Variants in PBLD observed in about 807,000 individuals in gnomAD.
PBLD encodes phenazine biosynthesis like protein domain containing.
A neutral mutation model predicts 31.3 loss-of-function variants in PBLD; 26 were observed. That is an observed-to-expected ratio of 0.83 (90% CI 0.61 to 1.15). The LOEUF is 1.15. Among genes scored for constraint, PBLD ranks in the 50% most tolerant of loss-of-function variants. PBLD has a pLI of 0.00. For synonymous variants in PBLD, 114 were observed against 129.0 expected, an observed-to-expected ratio of 0.88 and a Z score of 0.79; for missense variants, 307 against 351.7, an observed-to-expected ratio of 0.87 and a Z score of 1.02.
chr10:68,331,046 G>C (rs1211061726), intron 1 of PBLD: 1 of 152,100 alleles, frequency 6.6e-6, no homozygotes, highest in Non-Finnish European at 1.5e-5. Flanking sequence ...GCTAATCTTT[G>C]TATTTTTTGT....
At chr10:68,319,797 A>C (rs2044805761) in intron 1 of PBLD, among the ~76,000 whole-genome samples, 1 of 151,068 alleles carries the variant, frequency 6.6e-6, no homozygotes, top group Non-Finnish European at 1.5e-5. Flanking sequence ...TTTAATTTTT[A>C]TTTTTTATTT....
intron 1 of PBLD, among the ~76,000 whole-genome samples, chr10:68,317,680 C>CATG (rs1365905542): frequency 6.6e-6 from 1 of 151,954 alleles, no homozygotes; most frequent in Non-Finnish European, 1.5e-5. Flanking sequence ...TGCCTGTAAT[C>CATG]CCAGCTACTC....
rs564774050 is a variant in PBLD, at chr10:68,296,945, A to G, written c.125T>C (p.Met42Thr). 1.2e-6 allele frequency: 2 copies of G among 1,614,014 alleles called. No homozygotes were observed. The highest frequency in any genetic ancestry group is 2.2e-5 in the East Asian group (1 of 44,872). Residue 42 changes from methionine (M) to threonine (T), a missense_variant, in exon 3 of 10, where the codon ATG becomes ACG. Met to Thr is a moderately conservative substitution (Grantham distance 81). Coordinates refer to ENST00000358769, the MANE Select transcript of PBLD (RefSeq NM_022129.4). ...GATAAAAGCAGTTTCAGAGAGGTTC[A>G]TCTCCCTTGCAATTTTCTGATGCAT... Reference protein sequence around the residue: ...EDMHQKIAREMNLSETAFIRK... With the variant: ...EDMHQKIARETNLSETAFIRK...
rs566544926 is a variant in PBLD at position 68,310,615 on chromosome 10, C to T, written c.-59-3712G>A. 1.8e-4 allele frequency among the ~76,000 whole-genome samples: 27 copies of T among 149,426 alleles called. 1 individual carries two copies. Among genetic ancestry groups the T allele is most frequent in the Non-Finnish European group, 4.0e-4 (27 of 67,674 alleles). ...CCCCAACCACTCCCCTCCCCAGCCA[C>T]CCCCACCTCTGACAACCACCATTCT... is the stretch of plus-strand genomic sequence containing the variant. On this transcript the variant is annotated intron_variant, in intron 1 of 9. Coordinates refer to ENST00000358769, the MANE Select transcript of PBLD (RefSeq NM_022129.4).
intron 4 of PBLD, among the ~76,000 whole-genome samples, chr10:68,295,398 T>G (rs1427130049): frequency 1.3e-5 from 2 of 149,912 alleles, no homozygotes; most frequent in Non-Finnish European, 3.0e-5. Flanking sequence ...GAGGTTGAAG[T>G]GGGAGGATGG....
At chr10:68,300,054 C>G (rs2044485188) in intron 2 of PBLD, among the ~76,000 whole-genome samples, 1 of 151,964 alleles carries the variant, frequency 6.6e-6, no homozygotes, top group Non-Finnish European at 1.5e-5. Context: ...CCATGCCCAG[C>G]TAATTTTTTG....
chr10:68,283,972 C>G lies in PBLD; in HGVS notation c.*205G>C, dbSNP rs544833839. On this transcript the variant is annotated 3_prime_UTR_variant, in exon 10 of 10. Coordinates refer to ENST00000358769, the MANE Select transcript of PBLD (RefSeq NM_022129.4). ...ATGTTGGCCAGGCTGGTGTCGAACC[C>G]CTGACCTCAGGTGATCCACCCACCT... 6,461 of 434,488 alleles carry G rather than the reference C, an allele frequency of 0.015. 83 individuals are homozygous for G. The highest frequency in any genetic ancestry group is 0.02 in the Non-Finnish European group (4,811 of 240,054). 26.9% of individuals were successfully genotyped at this position (434,488 alleles called of 1,614,324 possible).
intron 2 of PBLD, among the ~76,000 whole-genome samples, chr10:68,298,598 T>G (rs2044462734): frequency 1.3e-5 from 2 of 152,206 alleles, no homozygotes; most frequent in African/African-American, 4.8e-5. Context: ...TTATGTGGGT[T>G]TGAAAACAGA....
chr10:68,284,991 T>C (rs1035680691), intron 9 of PBLD: 65 of 1,103,192 alleles, frequency 5.9e-5, no homozygotes, highest in Middle Eastern at 4.0e-4. Flanking sequence ...AGTAATTTGT[T>C]TGATTCAATC....
In PBLD at chr10:68,283,967, G is replaced by A. The variant is rs1008216727; in HGVS notation, c.*210C>T. 2.7e-5 allele frequency: 11 copies of A among 406,956 alleles called. No individual in the cohort carries two copies. The East Asian group carries it at 4.1e-4, about 15-fold the overall frequency. 25.2% of individuals were successfully genotyped at this position (406,956 alleles called of 1,614,324 possible). ...TCACCATGTTGGCCAGGCTGGTGTC[G>A]AACCCCTGACCTCAGGTGATCCACC... On this transcript the variant is annotated 3_prime_UTR_variant, in exon 10 of 10. Coordinates refer to ENST00000358769, the MANE Select transcript of PBLD (RefSeq NM_022129.4).
intron 1 of PBLD, among the ~76,000 whole-genome samples, chr10:68,329,306 GGCAA>G (rs66505136): frequency 0.042 from 6,358 of 152,034 alleles, 162 homozygotes; most frequent in African/African-American, 0.046. Context: ...AAGAAATTAT[GGCAA>G]GCAAGCAAGC....
rs78331392 is a variant in PBLD at position 68,311,981 on chromosome 10, A to T, written c.-59-5078T>A. ...GAACAGATCAAAATTCAAAATTCAAAGTACTGTTTCTGCTGAATGCATATT... is the reference window on the plus strand; with the variant it reads ...GAACAGATCAAAATTCAAAATTCAATGTACTGTTTCTGCTGAATGCATATT... On this transcript the variant is annotated intron_variant, in intron 1 of 9. Coordinates refer to ENST00000358769, the MANE Select transcript of PBLD (RefSeq NM_022129.4). Among the ~76,000 whole-genome samples the T allele has an allele frequency of 2.2e-3, 328 of 152,316 alleles. 1 individual carries two copies. The highest frequency in any genetic ancestry group is 7.6e-3 in the African/African-American group (314 of 41,570).
In PBLD at chr10:68,284,112, T is replaced by TA. The variant is rs1199230395; in HGVS notation, c.*64dup. The TA allele has an allele frequency of 4.9e-6, 7 of 1,442,432 alleles. No individual in the cohort carries two copies. Among genetic ancestry groups the TA allele is most frequent in the Non-Finnish European group, 4.8e-6 (5 of 1,036,208 alleles). 89.4% of individuals were successfully genotyped at this position (1,442,432 alleles called of 1,614,324 possible). A position where few individuals can be genotyped will look rare whatever the true frequency, so the allele number is the denominator to read the frequency against. On this transcript the variant is annotated 3_prime_UTR_variant, in exon 10 of 10. Transcript: ENST00000358769. ...CGCACATTTGCTAAAGGCAGCCCCT[T>TA]ACATTTCTTTTTAAGCAGAAAATAC...
chr10:68,306,912 A>C lies in PBLD; in HGVS notation c.-59-9T>G. The C allele has an allele frequency of 8.0e-7, 1 of 1,253,948 alleles. No individual in the cohort carries two copies. The highest frequency in any genetic ancestry group is 1.1e-6 in the Non-Finnish European group (1 of 870,062). The allele number at this position is 1,253,948 out of a possible 1,614,324, so 77.7% of individuals were successfully genotyped here. On this transcript the variant is annotated splice_polypyrimidine_tract_variant and intron_variant, in intron 1 of 9. Transcript: ENST00000358769. Reference sequence around the variant, plus strand: ...AGCCTGCTTTACGTCTTCTTCTTGGAAAAGGAAATCAAAAAGTTAATGTTT... The same window carrying C: ...AGCCTGCTTTACGTCTTCTTCTTGGCAAAGGAAATCAAAAAGTTAATGTTT...
At chr10:68,285,553 G>T in intron 8 of PBLD, 143 bp from the exon 9 acceptor site, 1 of 1,202,028 alleles carries the variant, frequency 8.3e-7, no homozygotes, top group Non-Finnish European at 1.1e-6. Context: ...GGCCACAGCA[G>T]GGTGTAGAAT....
chr10:68,331,319 T>C (rs2045075754), intron 1 of PBLD: 1 of 152,230 alleles, frequency 6.6e-6, no homozygotes, highest in Admixed American at 6.5e-5. Context: ...CACAGGCTAA[T>C]CAGTCTCCGA....
chr10:68,288,413 C>T, intron 8 of PBLD, 70 bp downstream of exon 8: 1 of 1,524,638 alleles, frequency 6.6e-7, no homozygotes. Context: ...ACAGGAAGTG[C>T]ACTTAAATAA....
chr10:68,317,654 G>A (rs573841738), intron 1 of PBLD, among the ~76,000 whole-genome samples: 2 of 152,032 alleles, frequency 1.3e-5, no homozygotes, highest in African/African-American at 4.8e-5. Flanking sequence ...ACAAAAATTA[G>A]GTGGGCATGG....
chr10:68,288,870 A>T, intron 7 of PBLD, 61 bp downstream of exon 7: 3 of 1,473,628 alleles, frequency 2.0e-6, no homozygotes, highest in Non-Finnish European at 2.8e-6. Flanking sequence ...CAGACTAAGG[A>T]AGAGCTATAA....
Sources: gnomAD v4.1 joint callset for allele counts (sites outside exome capture counted in the v4.1 genomes callset) on GRCh38, gnomAD v4.1.1 for gene constraint, MANE v1.5 for transcripts, NCBI Gene and HGNC (gene_info 2026-07-23, HGNC 2026-07-21) for gene names.